Variants in LINGO2 observed in about 807,000 individuals in gnomAD.
LINGO2 encodes leucine rich repeat and Ig domain containing 2, also known as leucine-rich repeat and immunoglobulin-like domain-containing nogo receptor-interacting protein 2.
In LINGO2, 14 loss-of-function variants were observed where a neutral mutation model predicts 30.6. That is an observed-to-expected ratio of 0.46 (90% CI 0.30 to 0.72). The LOEUF (loss-of-function observed/expected upper bound fraction) is 0.72, where lower values mean the gene tolerates loss of function less well. Ranked by LOEUF, LINGO2 falls within the 30% of genes least tolerant of loss-of-function variation. LINGO2 has a pLI of 0.07. For synonymous variants in LINGO2, 317 were observed against 288.5 expected, an observed-to-expected ratio of 1.10 and a Z score of -1.00; for missense variants, 729 against 751.7, an observed-to-expected ratio of 0.97 and a Z score of 0.35.
intron 4 of LINGO2, among the ~76,000 whole-genome samples, chr9:28,143,877 G>C (rs1467505190): frequency 1.3e-5 from 2 of 149,810 alleles, no homozygotes; most frequent in African/African-American, 2.5e-5. Flanking sequence ...AGTGAAACAA[G>C]AGGTAATTAT....
chr9:28,622,716 T>C lies in LINGO2; in HGVS notation c.-365+47484A>G, dbSNP rs371217567. ...CCTTTCTTTTGGGATTGCTGGATCA[T>C]ATGGCAGCTCTATTTTTTTTTTTTT... is the stretch of plus-strand genomic sequence containing the variant. On this transcript the variant is annotated intron_variant, in intron 1 of 5. Coordinates refer to ENST00000379992, the Ensembl canonical transcript of LINGO2. 1.4e-4 allele frequency among the ~76,000 whole-genome samples: 21 copies of C among 147,254 alleles called. No individual in the cohort carries two copies. In the South Asian group the frequency reaches 4.5e-3, roughly 32 times the overall value.
At chr9:29,084,924 T>G in the LINGO2 span, among the ~76,000 whole-genome samples, 1 of 151,984 alleles carries the variant, frequency 6.6e-6, no homozygotes, top group Non-Finnish European at 1.5e-5. Flanking sequence ...AACAAGTGAA[T>G]GAGTAAATGC....
the LINGO2 span, among the ~76,000 whole-genome samples, chr9:28,770,405 A>G: frequency 6.6e-6 from 1 of 152,276 alleles, no homozygotes; most frequent in African/African-American, 2.4e-5. Flanking sequence ...CTGAAACCGC[A>G]TAGGTCTTGT....
At chr9:28,016,302 C>CTA (rs1822833213) in intron 4 of LINGO2, among the ~76,000 whole-genome samples, 6 of 152,138 alleles carry the variant, frequency 3.9e-5, no homozygotes, top group Non-Finnish European at 7.4e-5. Flanking sequence ...GTTTCCGTTG[C>CTA]AGATCCCACC....
At chr9:28,128,591 A>G (rs1327884846) in intron 4 of LINGO2, among the ~76,000 whole-genome samples, 1 of 152,134 alleles carries the variant, frequency 6.6e-6, no homozygotes, top group Non-Finnish European at 1.5e-5. Flanking sequence ...GCTGCAGTTA[A>G]ATTGAATTTA....
rs150058069 is a variant in LINGO2 at position 28,239,462 on chromosome 9, G to A, written c.-87+55746C>T. Among the ~76,000 whole-genome samples the A allele has an allele frequency of 5.1e-3, 781 of 152,054 alleles. 9 individuals are homozygous for A. Among genetic ancestry groups the A allele is most frequent in the African/African-American group, 0.014 (571 of 41,482 alleles). Reference sequence around the variant, plus strand: ...CATGACCAAGTAGGATTTACAACAGGGCTGTAAGGATGGTTCAACATATGC... The same window carrying A: ...CATGACCAAGTAGGATTTACAACAGAGCTGTAAGGATGGTTCAACATATGC... On this transcript the variant is annotated intron_variant, in intron 4 of 5. Transcript: ENST00000379992.
At chr9:29,040,614 CAT>C in the LINGO2 span, among the ~76,000 whole-genome samples, 6 of 150,604 alleles carry the variant, frequency 4.0e-5, no homozygotes, top group Non-Finnish European at 7.4e-5. Context: ...AAAAGGCTGA[CAT>C]ATGTCATTGA....
chr9:28,649,288 A>G (rs1447823741), intron 1 of LINGO2, among the ~76,000 whole-genome samples: 1 of 152,196 alleles, frequency 6.6e-6, no homozygotes, highest in Non-Finnish European at 1.5e-5. Context: ...GTAGTAGTAG[A>G]AGTAGTAACC....
intron 4 of LINGO2, among the ~76,000 whole-genome samples, chr9:28,047,611 C>T (rs535054471): frequency 1.3e-5 from 2 of 150,864 alleles, no homozygotes; most frequent in African/African-American, 4.9e-5. Flanking sequence ...TCAATCTACA[C>T]CTCAGCTTCC....
intron 3 of LINGO2, among the ~76,000 whole-genome samples, chr9:28,324,179 C>T (rs62555393): frequency 0.018 from 2,664 of 152,194 alleles, 47 homozygotes; most frequent in Admixed American, 0.028. Flanking sequence ...TTGCACGGGC[C>T]CCTGTCAAGG....
chr9:28,789,040 T>G, the LINGO2 span, among the ~76,000 whole-genome samples: 726 of 152,308 alleles, frequency 4.8e-3, 5 homozygotes, highest in African/African-American at 0.017. Context: ...AATAAAAATA[T>G]AATCCTCATA....
At chr9:28,864,837 G>A in the LINGO2 span, among the ~76,000 whole-genome samples, 7 of 152,122 alleles carry the variant, frequency 4.6e-5, no homozygotes, top group South Asian at 2.1e-4. Flanking sequence ...TTTGTTTTGC[G>A]CTTATCATGT....
At chr9:28,874,733 C>A in the LINGO2 span, among the ~76,000 whole-genome samples, 3 of 151,996 alleles carry the variant, frequency 2.0e-5, no homozygotes, top group African/African-American at 7.2e-5. Flanking sequence ...TCTCATTATC[C>A]TTTCTAGATG....
At chr9:28,556,566 A>G (rs1490219407) in intron 1 of LINGO2, among the ~76,000 whole-genome samples, 1 of 151,996 alleles carries the variant, frequency 6.6e-6, no homozygotes, top group Non-Finnish European at 1.5e-5. Context: ...AAATGGCCAT[A>G]CTGCCTAAGG....
At chr9:28,549,544 G>C (rs1022396115) in intron 1 of LINGO2, among the ~76,000 whole-genome samples, 12 of 151,908 alleles carry the variant, frequency 7.9e-5, no homozygotes, top group African/African-American at 2.7e-4. Context: ...ATTTTCTCCA[G>C]AATAGTTGTA....
At chr9:28,654,923 T>TTTTG (rs968859888) in intron 1 of LINGO2, among the ~76,000 whole-genome samples, 2 of 152,072 alleles carry the variant, frequency 1.3e-5, no homozygotes, top group African/African-American at 4.8e-5. Flanking sequence ...GTTAGGCACT[T>TTTTG]TTTGTTTGTT....
chr9:28,404,755 G>A (rs1406732861), intron 2 of LINGO2, among the ~76,000 whole-genome samples: 1 of 152,138 alleles, frequency 6.6e-6, no homozygotes, highest in Admixed American at 6.6e-5. Flanking sequence ...CTCACTTTGT[G>A]TAATCATTTT....
intron 2 of LINGO2, among the ~76,000 whole-genome samples, chr9:28,443,585 T>G (rs1824285818): frequency 2.0e-5 from 3 of 152,072 alleles, no homozygotes; most frequent in Admixed American, 2.0e-4. Flanking sequence ...CAATGTGGAG[T>G]AAAGTTGTGG....
At chr9:28,020,684 T>C (rs988073474) in intron 4 of LINGO2, among the ~76,000 whole-genome samples, 7 of 152,222 alleles carry the variant, frequency 4.6e-5, no homozygotes, top group African/African-American at 1.7e-4. Context: ...GGTGCATTAT[T>C]TTTTTGAAAG....
Sources: allele counts gnomAD v4.1 joint callset (sites outside exome capture counted in the v4.1 genomes callset), GRCh38; gene constraint gnomAD v4.1.1; transcripts MANE v1.5; gene names NCBI Gene and HGNC (gene_info 2026-07-23, HGNC 2026-07-21).